MOV10L1: variants seen among roughly 807,000 people sequenced by gnomAD.
MOV10L1 encodes the protein Mov10 like RNA helicase 1.
MOV10L1 carries 110 observed loss-of-function variants against 143.8 expected under a neutral mutation model. The ratio of observed to expected loss-of-function variants is 0.76; its 90% CI spans 0.66 to 0.90. The LOEUF (loss-of-function observed/expected upper bound fraction) is 0.90. Among genes scored for constraint, MOV10L1 ranks in the 40% least tolerant of loss-of-function variants. The pLI is 0.00. For synonymous variants in MOV10L1, 593 were observed against 581.1 expected (o/e 1.02, Z -0.29); for missense variants, 1,406 against 1,526.8 (o/e 0.92, Z 1.32).
chr22:50,129,586 G>T (rs1306293193), intron 13 of MOV10L1, among the ~76,000 whole-genome samples: 1 of 152,154 alleles, frequency 6.6e-6, no homozygotes, highest in East Asian at 1.9e-4. Flanking sequence ...TGCTGTGTAT[G>T]TAGGGATGGG....
intron 4 of MOV10L1, 56 bp downstream of exon 4, chr22:50,108,304 G>T: frequency 6.7e-7 from 1 of 1,492,494 alleles, no homozygotes; most frequent in African/African-American, 1.4e-5. Flanking sequence ...GCCATCAGGG[G>T]TAACTTGCAC....
intron 5 of MOV10L1, among the ~76,000 whole-genome samples, chr22:50,112,321 A>G (rs1396349374): frequency 1.3e-5 from 2 of 152,198 alleles, no homozygotes; most frequent in South Asian, 2.1e-4. Flanking sequence ...TGGCGGTGCC[A>G]GGAAATAAGA....
Position 50,130,538 on chromosome 22 carries a change from G to A in MOV10L1, c.1910+2031G>A, listed in dbSNP as rs146640212. The stretch of plus-strand genomic sequence containing the variant: ...AGGGAGGGCAGGATGGAGAGAGAGC[G>A]AGAGAAATTGGTGACCAAAGAGATA... On this transcript the variant is annotated intron_variant, in intron 13 of 26. Coordinates refer to ENST00000262794, the MANE Select transcript of MOV10L1 (RefSeq NM_018995.3). Among the ~76,000 whole-genome samples, 844 of 152,076 alleles carry A rather than the reference G, an allele frequency of 5.5e-3. 4 individuals carry two copies. Among genetic ancestry groups the A allele is most frequent in the Non-Finnish European group, 8.9e-3 (608 of 68,006 alleles).
At chr22:50,123,557 G>C (rs1043713200) in intron 10 of MOV10L1, among the ~76,000 whole-genome samples, 2 of 152,160 alleles carry the variant, frequency 1.3e-5, no homozygotes, top group Non-Finnish European at 2.9e-5. Context: ...GCTGAATTTT[G>C]TGTGCTAGTA....
chr22:50,109,435 C>T (rs9617027), intron 5 of MOV10L1, among the ~76,000 whole-genome samples: 34,019 of 151,318 alleles, frequency 0.22, 4,170 homozygotes, highest in Admixed American at 0.35. Flanking sequence ...TCTGGGAGGC[C>T]GAGGCGGGTG....
chr22:50,115,378 A>G, intron 8 of MOV10L1, 132 bp downstream of exon 8: 1 of 1,049,116 alleles, frequency 9.5e-7, no homozygotes, highest in Non-Finnish European at 1.3e-6. Flanking sequence ...CAGCCTGGCC[A>G]CCATGGCGAA....
chr22:50,113,907 CTTTTCTTTTTT>C, intron 6 of MOV10L1, 119 bp downstream of exon 6: 3 of 451,130 alleles, frequency 6.6e-6, no homozygotes, highest in Admixed American at 1.1e-4. Flanking sequence ...TTATGAAGAT[CTTTTCTTTTTT>C]TTTTTTTTTT....
Position 50,108,682 on chromosome 22 carries a change from G to C in MOV10L1, c.581G>C (p.Arg194Thr). The C allele has an allele frequency of 6.2e-7, 1 of 1,614,184 alleles. No homozygotes were observed. Among genetic ancestry groups the C allele is most frequent in the South Asian group, 1.1e-5 (1 of 91,086 alleles). Residue 194 changes from arginine (R) to threonine (T), a missense_variant, in exon 5 of 27, where the codon AGG becomes ACG. Coordinates refer to ENST00000262794, the MANE Select transcript of MOV10L1 (RefSeq NM_018995.3). Reference sequence around the variant, plus strand: ...GTCTGCATCTCTAGCCTCTGTGGAAGGAACGGGGTGTTAGAGGAAAGCATC... The same window carrying C: ...GTCTGCATCTCTAGCCTCTGTGGAACGAACGGGGTGTTAGAGGAAAGCATC... ...DKVCISSLCGRNGVLEESIFF... is the reference protein window; with the variant it reads ...DKVCISSLCGTNGVLEESIFF...
intron 16 of MOV10L1, among the ~76,000 whole-genome samples, chr22:50,142,580 C>G (rs547327373): frequency 9.1e-4 from 138 of 152,056 alleles, no homozygotes; most frequent in African/African-American, 3.1e-3. Context: ...GTCATCCTAA[C>G]ACTTTTGGGA....
Position 50,090,860 on chromosome 22 carries a change from C to T in MOV10L1, c.97+675C>T, listed in dbSNP as rs186438942. ...CCCGGCTAATTTTTGTATTTTTAGT[C>T]GAGGGGGGGTTCGCCATGTTGGTCA... On this transcript the variant is annotated intron_variant, in intron 1 of 26. Coordinates refer to ENST00000262794, the MANE Select transcript of MOV10L1 (RefSeq NM_018995.3). 287 of 280,002 alleles carry T rather than the reference C, an allele frequency of 1.0e-3. 4 individuals are homozygous for T. The highest frequency in any genetic ancestry group is 3.1e-4 in the Non-Finnish European group (44 of 142,434). 17.3% of individuals were successfully genotyped at this position (280,002 alleles called of 1,614,324 possible).
At chr22:50,106,996 C>T (rs558733227) in intron 3 of MOV10L1, among the ~76,000 whole-genome samples, 31 of 145,006 alleles carry the variant, frequency 2.1e-4, no homozygotes, top group East Asian at 1.3e-3. Context: ...CCACCATGCC[C>T]GGCCAGGACA....
chr22:50,105,989 C>T (rs2061855775), intron 3 of MOV10L1, among the ~76,000 whole-genome samples: 1 of 152,178 alleles, frequency 6.6e-6, no homozygotes, highest in African/African-American at 2.4e-5. Context: ...CCTGCAGGGT[C>T]TGATTTGTAC....
chr22:50,144,563 G>T (rs1258483660), intron 18 of MOV10L1, among the ~76,000 whole-genome samples: 6 of 151,130 alleles, frequency 4.0e-5, no homozygotes, highest in Non-Finnish European at 8.8e-5. Flanking sequence ...TGTTTTGTTG[G>T]TTTGGTGTTT....
At position 50,100,208 on chromosome 22, in the gene MOV10L1, G is replaced by A. The variant is rs115937229; in HGVS notation, c.442+606G>A. ...GGGTTTCATCAGGTTGGCCGGGCTG[G>A]TCTCGAACTCTTGACCTTAGGTGAT... is the stretch of plus-strand genomic sequence containing the variant. On this transcript the variant is annotated intron_variant, in intron 3 of 26. Transcript: ENST00000262794. Among the ~76,000 whole-genome samples the A allele has an allele frequency of 2.7e-3, 413 of 152,188 alleles. 1 individual carries two copies. The highest frequency in any genetic ancestry group is 8.3e-3 in the African/African-American group (346 of 41,516).
At chr22:50,101,989 G>A (rs2061756658) in intron 3 of MOV10L1, among the ~76,000 whole-genome samples, 1 of 152,206 alleles carries the variant, frequency 6.6e-6, no homozygotes. Flanking sequence ...CCAGGAAATG[G>A]CTCAAGAGGA....
chr22:50,149,279 GGA>G (rs955381256), intron 19 of MOV10L1: 18 of 272,032 alleles, frequency 6.6e-5, no homozygotes, highest in African/African-American at 3.9e-4. Flanking sequence ...AGACGCAGGT[GGA>G]GAGCAGGCCA....
At chr22:50,090,675 T>C in intron 1 of MOV10L1, 1 of 898,440 alleles carries the variant, frequency 1.1e-6, no homozygotes, top group Non-Finnish European at 1.7e-6. Flanking sequence ...TCCTGAGGTG[T>C]TTGTGTGTGT....
At chr22:50,100,418 A>T (rs980781369) in intron 3 of MOV10L1, among the ~76,000 whole-genome samples, 2 of 152,222 alleles carry the variant, frequency 1.3e-5, no homozygotes, top group African/African-American at 4.8e-5. Flanking sequence ...TGTTACTGGC[A>T]TGCTGAGGTA....
At position 50,090,036 on chromosome 22, in the gene MOV10L1, C is replaced by T. The variant is rs530867335; in HGVS notation, c.-53C>T. The T allele has an allele frequency of 6.9e-6, 8 of 1,162,918 alleles. No homozygotes were observed. In the South Asian group the frequency reaches 1.2e-4, roughly 18 times the overall value. 72.0% of individuals were successfully genotyped at this position (1,162,918 alleles called of 1,614,324 possible). On this transcript the variant is annotated 5_prime_UTR_variant, in exon 1 of 27. Transcript: ENST00000262794. ...TGGCGGGCGGCGGGAGCGGCGCGGG[C>T]GCGTGCGGGCGGCGGCAGCGGCGGT...
Sources: gnomAD v4.1 joint callset for allele counts (sites outside exome capture counted in the v4.1 genomes callset) on GRCh38, gnomAD v4.1.1 for gene constraint, MANE v1.5 for transcripts, NCBI Gene and HGNC (gene_info 2026-07-23, HGNC 2026-07-21) for gene names.